The following TTC21B variants were observed in gnomAD, a reference collection of about 807,000 sequenced individuals.
The protein encoded by TTC21B is tetratricopeptide repeat protein 21B.
In TTC21B, 127 loss-of-function variants were observed where a neutral mutation model predicts 175.1. That is an observed-to-expected ratio of 0.73 (90% CI 0.63 to 0.84). TTC21B has a LOEUF of 0.84. Among genes scored for constraint, TTC21B ranks in the 40% least tolerant of loss-of-function variants. The probability of loss-of-function intolerance (pLI) is 0.00; values close to 1 mark genes in which losing one functional copy is unlikely to be tolerated. For missense variants in TTC21B, 1,561 were observed against 1,558.3 expected (o/e 1.00, Z -0.03); for synonymous variants, 524 against 524.5 (o/e 1.00, Z 0.01).
At position 165,927,722 on chromosome 2, in the gene TTC21B, G is replaced by A. The variant is rs980968116; in HGVS notation, c.1386+1413C>T. On this transcript the variant is annotated intron_variant, in intron 11 of 28. Transcript: ENST00000243344. The stretch of plus-strand genomic sequence containing the variant: ...CAAGGGAAAATGGATTATGACTGGG[G>A]AGTCTGAGGTCAACCCCTGGTACAA... Among the ~76,000 whole-genome samples, 7 of 151,954 alleles carry A rather than the reference G, an allele frequency of 4.6e-5. No individual in the cohort carries two copies. In the East Asian group the frequency reaches 1.4e-3, roughly 29 times the overall value.
In TTC21B at chr2:165,911,572, C is replaced by A. The variant is rs1227460064; in HGVS notation, c.2323-107G>T. ...AAAGCATTGGTATAACTAGAAATAA[C>A]CAGGAAGAATTGTAGGCATACACCT... is the stretch of plus-strand genomic sequence containing the variant. On this transcript the variant is annotated intron_variant, in intron 17 of 28. Transcript: ENST00000243344. The A allele has an allele frequency of 8.1e-6, 11 of 1,363,680 alleles. No individual in the cohort carries two copies. The Admixed American group carries it at 1.4e-4, about 17-fold the overall frequency. The allele number at this position is 1,363,680 out of a possible 1,614,324, so 84.5% of individuals were successfully genotyped here.
chr2:165,931,989 T>C, intron 7 of TTC21B, 133 bp from the exon 8 acceptor site: 1 of 669,710 alleles, frequency 1.5e-6, no homozygotes, highest in Non-Finnish European at 2.7e-6. Context: ...TTCCTCCTCC[T>C]TCAATGGATG....
intron 22 of TTC21B, among the ~76,000 whole-genome samples, chr2:165,897,574 C>T (rs959822646): frequency 1.3e-5 from 2 of 152,064 alleles, no homozygotes; most frequent in African/African-American, 4.8e-5. Context: ...TACTCCTAGA[C>T]ATCTGAGTGG....
chr2:165,880,088 TGAG>T (rs1331872273), intron 27 of TTC21B: 6 of 153,780 alleles, frequency 3.9e-5, no homozygotes, highest in Admixed American at 3.9e-4. Flanking sequence ...CTCCCTCGTA[TGAG>T]GAGAGAGGTT....
intron 12 of TTC21B, among the ~76,000 whole-genome samples, chr2:165,920,148 G>A (rs1445618096): frequency 6.6e-6 from 1 of 152,078 alleles, no homozygotes; most frequent in African/African-American, 2.4e-5. Context: ...GATGTAACCC[G>A]CACTGATCTG....
At position 165,888,288 on chromosome 2, in the gene TTC21B, T is replaced by TTC; in HGVS notation, c.3449_3450insGA (p.Ala1151LysfsTer19). Reference sequence around the variant, plus strand: ...AAGGAAATCCACTAACCTCAGATGCTGCTATTTCAGTGAAGGTATTTAATG... The same window carrying TTC: ...AAGGAAATCCACTAACCTCAGATGCTTCGCTATTTCAGTGAAGGTATTTAATG... On this transcript the variant is annotated frameshift_variant, in exon 25 of 29. Transcript: ENST00000243344. LOFTEE classifies it high-confidence loss of function. 1 of 1,612,686 alleles carries TTC rather than the reference T, an allele frequency of 6.2e-7. No individual in the cohort carries two copies. The highest frequency in any genetic ancestry group is 8.5e-7 in the Non-Finnish European group (1 of 1,178,702).
rs752508166 is a variant in TTC21B at position 165,899,901 on chromosome 2, T to C, written c.2758-21A>G. On this transcript the variant is annotated intron_variant, in intron 20 of 28. Coordinates refer to ENST00000243344, the MANE Select transcript of TTC21B (RefSeq NM_024753.5). ...ATAATCTGTAGAGCAAAGGGCTAGA[T>C]TCATCAGACACTGTATAGAATAAAA... 4.9e-6 allele frequency: 7 copies of C among 1,436,856 alleles called. No individual in the cohort carries two copies. The East Asian group carries it at 1.6e-4, about 33-fold the overall frequency. The allele number at this position is 1,436,856 out of a possible 1,614,324, so 89.0% of individuals were successfully genotyped here. A position where few individuals can be genotyped will look rare whatever the true frequency, so the allele number is the denominator to read the frequency against.
At chr2:165,942,443 T>C (rs771031474) in intron 5 of TTC21B, among the ~76,000 whole-genome samples, 15 of 152,184 alleles carry the variant, frequency 9.9e-5, no homozygotes, top group Admixed American at 9.8e-4. Context: ...GATCATGTTA[T>C]TTCTCTGTTC....
intron 1 of TTC21B, among the ~76,000 whole-genome samples, chr2:165,952,277 C>A (rs957394095): frequency 1.3e-5 from 2 of 152,148 alleles, no homozygotes; most frequent in African/African-American, 2.4e-5. Context: ...ATGAAAATTA[C>A]ATGAAAGTCA....
chr2:165,917,249 T>C lies in TTC21B; in HGVS notation c.1899+8A>G. On this transcript the variant is annotated splice_region_variant and intron_variant, in intron 14 of 28. Transcript: ENST00000243344. ...ACATCCGAGCCCTTAAATTAAAACT[T>C]GACCTACCTGCTCTCCATTTAAGCG... The C allele has an allele frequency of 6.2e-7, 1 of 1,612,892 alleles. No individual in the cohort carries two copies. Among genetic ancestry groups the C allele is most frequent in the Non-Finnish European group, 8.5e-7 (1 of 1,178,858 alleles).
intron 15 of TTC21B, among the ~76,000 whole-genome samples, chr2:165,914,125 A>T (rs1469044371): frequency 6.6e-6 from 1 of 152,182 alleles, no homozygotes; most frequent in Non-Finnish European, 1.5e-5. Flanking sequence ...TTGACCTGAA[A>T]ATGTAGACTA....
At position 165,941,024 on chromosome 2, in the gene TTC21B, A is replaced by C; in HGVS notation, c.710+3T>G. On this transcript the variant is annotated splice_donor_region_variant and intron_variant, in intron 6 of 28. Coordinates refer to ENST00000243344, the MANE Select transcript of TTC21B (RefSeq NM_024753.5). ...AGACTTGTGTCATCTTTTATTACTT[A>C]ACCTTTGTGCTGTCTCAACTGTCTG... 6.2e-7 allele frequency: 1 copy of C among 1,613,758 alleles called. No individual in the cohort carries two copies. The highest frequency in any genetic ancestry group is 8.5e-7 in the Non-Finnish European group (1 of 1,179,736).
intron 6 of TTC21B, among the ~76,000 whole-genome samples, chr2:165,938,966 T>C (rs1687267351): frequency 6.6e-6 from 1 of 152,190 alleles, no homozygotes; most frequent in Non-Finnish European, 1.5e-5. Flanking sequence ...ATTTTTTATA[T>C]GTGATAATGA....
intron 6 of TTC21B, 42 bp from the exon 7 acceptor site, chr2:165,933,099 T>C: frequency 1.3e-6 from 2 of 1,563,600 alleles, no homozygotes; most frequent in East Asian, 2.3e-5. Context: ...TAAATTTATA[T>C]ATTTTCTTTT....
chr2:165,902,612 T>C (rs1685605931), intron 19 of TTC21B, among the ~76,000 whole-genome samples: 1 of 152,232 alleles, frequency 6.6e-6, no homozygotes, highest in Non-Finnish European at 1.5e-5. Flanking sequence ...TGGTTAACAT[T>C]AATACTGTCT....
At chr2:165,912,098 T>A (rs1685971235) in intron 17 of TTC21B, among the ~76,000 whole-genome samples, 1 of 152,072 alleles carries the variant, frequency 6.6e-6, no homozygotes, top group African/African-American at 2.4e-5. Flanking sequence ...TGGTCAACAA[T>A]TACCAGGAAT....
chr2:165,892,255 A>G (rs1685220586), intron 22 of TTC21B, among the ~76,000 whole-genome samples: 1 of 152,170 alleles, frequency 6.6e-6, no homozygotes, highest in Non-Finnish European at 1.5e-5. Context: ...AATTTCTACA[A>G]TTAAAACACA....
At chr2:165,885,393 C>T (rs1317426221) in intron 25 of TTC21B, among the ~76,000 whole-genome samples, 1 of 152,140 alleles carries the variant, frequency 6.6e-6, no homozygotes, top group Non-Finnish European at 1.5e-5. Context: ...ACTTCCTTGC[C>T]TCAAATTCTG....
chr2:165,939,613 T>C (rs1037046445), intron 6 of TTC21B, among the ~76,000 whole-genome samples: 1 of 152,184 alleles, frequency 6.6e-6, no homozygotes, highest in Non-Finnish European at 1.5e-5. Context: ...ATCATATCTA[T>C]GTGTCAGTGA....
Sources: gnomAD v4.1 joint callset for allele counts (sites outside exome capture counted in the v4.1 genomes callset) on GRCh38, gnomAD v4.1.1 for gene constraint, MANE v1.5 for transcripts, NCBI Gene and HGNC (gene_info 2026-07-23, HGNC 2026-07-21) for gene names.